The following NOL4 variants were observed in gnomAD, a reference collection of about 807,000 sequenced individuals.
NOL4 encodes cancer/testis antigen 125.
NOL4 carries 17 observed loss-of-function variants against 75.9 expected under a neutral mutation model. The observed-to-expected ratio is 0.22, with a 90% CI of 0.15 to 0.34. The LOEUF (loss-of-function observed/expected upper bound fraction) is 0.34, where lower values mean the gene tolerates loss of function less well. Ranked by LOEUF, NOL4 falls within the 10% of genes least tolerant of loss-of-function variation. The pLI is 1.00. For synonymous variants in NOL4, 292 were observed against 289.9 expected (o/e 1.01, Z -0.07); for missense variants, 614 against 793.5 (o/e 0.77, Z 2.72).
intron 9 of NOL4, among the ~76,000 whole-genome samples, chr18:33,941,654 G>A (rs1415168188): frequency 4.0e-5 from 6 of 151,854 alleles, no homozygotes; most frequent in African/African-American, 1.2e-4. Flanking sequence ...TTCTCATAAC[G>A]ACTCCACAGG....
rs2036942052 is a variant in NOL4, at chr18:34,217,062, T to A, written c.264+5928A>T. ...ATTTCTAGAGAGGAATCTAGAATGA[T>A]GTTCATAATTAGCTTACGGTGATTA... is the stretch of plus-strand genomic sequence containing the variant. On this transcript the variant is annotated intron_variant, in intron 1 of 10. Transcript: ENST00000261592. Among the ~76,000 whole-genome samples, 7 of 152,254 alleles carry A rather than the reference T, an allele frequency of 4.6e-5. No individual in the cohort carries two copies. The South Asian group carries it at 1.5e-3, about 32-fold the overall frequency.
intron 9 of NOL4, among the ~76,000 whole-genome samples, chr18:33,885,767 C>T (rs1362778034): frequency 6.6e-6 from 1 of 152,082 alleles, no homozygotes; most frequent in Non-Finnish European, 1.5e-5. Flanking sequence ...TTTGGAGGTT[C>T]CTCAAAAATC....
intron 5 of NOL4, among the ~76,000 whole-genome samples, chr18:34,031,309 A>G (rs890711516): frequency 2.6e-5 from 4 of 152,206 alleles, no homozygotes; most frequent in Non-Finnish European, 5.9e-5. Flanking sequence ...CTAATTTATC[A>G]TGGACAACCA....
In NOL4 at chr18:33,929,881, T is replaced by G. The variant is rs191045228; in HGVS notation, c.1542+13184A>C. Among the ~76,000 whole-genome samples, 307 of 152,198 alleles carry G rather than the reference T, an allele frequency of 2.0e-3. 3 individuals carry two copies. Among genetic ancestry groups the G allele is most frequent in the African/African-American group, 7.0e-3 (290 of 41,564 alleles). ...TCAAAAACCATGGAAAATTTAGAAG[T>G]TTATAACTTCTGTCATTAAAAACTT... is the stretch of plus-strand genomic sequence containing the variant. On this transcript the variant is annotated intron_variant, in intron 9 of 10. Coordinates refer to ENST00000261592, the MANE Select transcript of NOL4 (RefSeq NM_003787.5).
At chr18:34,081,715 A>T (rs1451078637) in intron 5 of NOL4, among the ~76,000 whole-genome samples, 1 of 152,198 alleles carries the variant, frequency 6.6e-6, no homozygotes, top group Non-Finnish European at 1.5e-5. Context: ...AAATGAGAAG[A>T]TACAAAATAA....
intron 9 of NOL4, among the ~76,000 whole-genome samples, chr18:33,894,317 T>A (rs1459427397): frequency 5.3e-5 from 8 of 152,072 alleles, no homozygotes; most frequent in African/African-American, 1.9e-4. Context: ...TTTGATGGCA[T>A]CAACAAAACA....
At chr18:34,203,233 T>C (rs1173694840) in intron 1 of NOL4, among the ~76,000 whole-genome samples, 1 of 152,022 alleles carries the variant, frequency 6.6e-6, no homozygotes, top group Admixed American at 6.6e-5. Context: ...TCAGAGATTT[T>C]AGAAATGTAG....
chr18:33,862,092 A>G (rs900712189), intron 10 of NOL4, among the ~76,000 whole-genome samples: 3 of 152,198 alleles, frequency 2.0e-5, no homozygotes, highest in Non-Finnish European at 2.9e-5. Context: ...ATGGAACAGA[A>G]CAGAGCCCTC....
In NOL4 at chr18:34,127,529, A is replaced by C. The variant is rs116352207; in HGVS notation, c.414+2342T>G. Among the ~76,000 whole-genome samples the C allele has an allele frequency of 3.4e-3, 516 of 152,056 alleles. 4 individuals carry two copies. Among genetic ancestry groups the C allele is most frequent in the African/African-American group, 0.012 (480 of 41,558 alleles). ...TATAATTGCAATAGTTATCTAGCTA[A>C]TCCTACCTATGACTAGCCAAATTCA... On this transcript the variant is annotated intron_variant, in intron 2 of 10. Transcript: ENST00000261592.
chr18:34,055,579 G>A (rs1333480583), intron 5 of NOL4, among the ~76,000 whole-genome samples: 2 of 152,110 alleles, frequency 1.3e-5, no homozygotes, highest in Non-Finnish European at 2.9e-5. Flanking sequence ...TCCTGGTGGA[G>A]TCTCTATGGA....
chr18:34,027,510 T>C (rs2075404923), intron 5 of NOL4, among the ~76,000 whole-genome samples: 1 of 152,234 alleles, frequency 6.6e-6, no homozygotes, highest in African/African-American at 2.4e-5. Context: ...GCTGTATGCC[T>C]TGAAGCCAGC....
At chr18:33,862,790 T>C (rs1222761135) in intron 10 of NOL4, among the ~76,000 whole-genome samples, 1 of 152,172 alleles carries the variant, frequency 6.6e-6, no homozygotes, top group African/African-American at 2.4e-5. Flanking sequence ...GGAGAGGATG[T>C]GGAGAAATAG....
intron 1 of NOL4, among the ~76,000 whole-genome samples, chr18:34,163,111 A>C (rs975680438): frequency 4.6e-5 from 7 of 152,338 alleles, no homozygotes; most frequent in African/African-American, 1.7e-4. Context: ...AGAGCTATCT[A>C]TGACAAACCC....
chr18:33,952,617 T>C (rs1476578272), intron 8 of NOL4, among the ~76,000 whole-genome samples: 11 of 152,108 alleles, frequency 7.2e-5, no homozygotes, highest in Admixed American at 7.2e-4. Context: ...GCTAAAACAT[T>C]ATAGAAAGAA....
At chr18:34,214,348 T>C (rs1237359246) in intron 1 of NOL4, among the ~76,000 whole-genome samples, 1 of 152,136 alleles carries the variant, frequency 6.6e-6, no homozygotes, top group African/African-American at 2.4e-5. Flanking sequence ...GAGTGTTATA[T>C]AGATGTAGTT....
At chr18:33,887,096 G>A (rs1305862657) in intron 9 of NOL4, among the ~76,000 whole-genome samples, 1 of 135,206 alleles carries the variant, frequency 7.4e-6, no homozygotes, top group African/African-American at 2.8e-5. Context: ...ATTAGATATA[G>A]ATATATATAT....
intron 1 of NOL4, among the ~76,000 whole-genome samples, chr18:34,149,512 T>C (rs927346130): frequency 6.6e-6 from 1 of 151,652 alleles, no homozygotes; most frequent in African/African-American, 2.4e-5. Context: ...CTTTCACTAC[T>C]AAATTAATCA....
At chr18:34,002,373 T>C (rs1246688292) in intron 6 of NOL4, among the ~76,000 whole-genome samples, 1 of 152,084 alleles carries the variant, frequency 6.6e-6, no homozygotes, top group African/African-American at 2.4e-5. Flanking sequence ...GCTAGACCTT[T>C]AGCTTAGAAT....
Position 34,046,162 on chromosome 18 carries a change from A to C in NOL4, c.773-26561T>G, listed in dbSNP as rs541577964. 2.0e-5 allele frequency among the ~76,000 whole-genome samples: 3 copies of C among 152,230 alleles called. No individual in the cohort carries two copies. In the East Asian group the frequency reaches 5.8e-4, roughly 29 times the overall value. On this transcript the variant is annotated intron_variant, in intron 5 of 10. Transcript: ENST00000261592. ...ATCACCTAATAATCCCAGAGCTTTC[A>C]GAAGACCTTGGCGACCTGAAGATTT...
Sources: allele counts gnomAD v4.1 joint callset (sites outside exome capture counted in the v4.1 genomes callset), GRCh38; gene constraint gnomAD v4.1.1; transcripts MANE v1.5; gene names NCBI Gene and HGNC (gene_info 2026-07-23, HGNC 2026-07-21).